Variants in LOXL2 observed in about 807,000 individuals in gnomAD.
LOXL2 encodes lysyl oxidase homolog 2.
LOXL2 carries 70 observed loss-of-function variants against 93.0 expected under a neutral mutation model. The observed-to-expected ratio is 0.75, with a 90% CI of 0.62 to 0.92. LOXL2 has a LOEUF of 0.92. Ranked by LOEUF, LOXL2 falls within the 40% of genes least tolerant of loss-of-function variation. The pLI, the probability that LOXL2 is intolerant of heterozygous loss-of-function variation, is 0.00. For synonymous variants in LOXL2, 438 were observed against 413.2 expected (o/e 1.06, Z -0.73); for missense variants, 973 against 1,054.9 (o/e 0.92, Z 1.08).
intron 1 of LOXL2, among the ~76,000 whole-genome samples, chr8:23,388,501 T>C (rs542626890): frequency 3.3e-4 from 50 of 152,144 alleles, no homozygotes; most frequent in Middle Eastern, 3.4e-3. Flanking sequence ...AGAGGATCAC[T>C]TGAGCCCAGG....
rs767310086 is a variant in LOXL2, at chr8:23,368,393, A to G, written c.-42T>C. On this transcript the variant is annotated 5_prime_UTR_variant, in exon 2 of 14. Coordinates refer to ENST00000389131, the MANE Select transcript of LOXL2 (RefSeq NM_002318.3). ...ATGATCCCACGAAGGGGCCCTGCGC[A>G]GCTGGGAGGGACAGGCGGGGTACAG... is the stretch of plus-strand genomic sequence containing the variant. 2.6e-6 allele frequency: 4 copies of G among 1,552,902 alleles called. No individual in the cohort carries two copies. The highest frequency in any genetic ancestry group is 2.7e-5 in the African/African-American group (2 of 74,008).
At chr8:23,356,665 T>G (rs1468094231) in intron 3 of LOXL2, among the ~76,000 whole-genome samples, 1 of 152,162 alleles carries the variant, frequency 6.6e-6, no homozygotes, top group Admixed American at 6.5e-5. Context: ...CCTAAGTCTC[T>G]GTGGTTGGGC....
chr8:23,311,752 G>C (rs537513742), intron 9 of LOXL2, among the ~76,000 whole-genome samples: 2 of 152,214 alleles, frequency 1.3e-5, no homozygotes, highest in African/African-American at 4.8e-5. Flanking sequence ...GCAAGGCAGA[G>C]GTGGAACTAC....
In LOXL2 at chr8:23,309,767, C is replaced by T. The variant is rs376481583; in HGVS notation, c.1781G>A (p.Arg594His). ...CTGGGAGGAGAAGCGCAGGAGCCGGCGGTAGCCCGTGGTGGGGTCGGTCTG... is the reference window on the plus strand; with the variant it reads ...CTGGGAGGAGAAGCGCAGGAGCCGGTGGTAGCCCGTGGTGGGGTCGGTCTG... ...AAQTDPTTGY[R>H]RLLRFSSQIH... Residue 594 changes from arginine (R) to histidine (H), a missense_variant, in exon 10 of 14, where the codon CGC becomes CAC. Transcript: ENST00000389131. 51 of 1,602,998 alleles carry T rather than the reference C, an allele frequency of 3.2e-5. No individual in the cohort carries two copies. The highest frequency in any genetic ancestry group is 4.1e-5 in the Non-Finnish European group (48 of 1,175,024).
At chr8:23,308,769 G>A (rs992422479) in intron 10 of LOXL2, among the ~76,000 whole-genome samples, 4 of 152,088 alleles carry the variant, frequency 2.6e-5, no homozygotes, top group Admixed American at 1.3e-4. Context: ...GATTTGCAGC[G>A]CTGGGATCAG....
chr8:23,317,142 G>A, intron 8 of LOXL2, 28 bp from the exon 9 acceptor site: 3 of 1,608,926 alleles, frequency 1.9e-6, no homozygotes, highest in Non-Finnish European at 2.6e-6. Flanking sequence ...ACAAATGGTG[G>A]GTACATCATC....
At chr8:23,375,885 C>A (rs1242801915) in intron 1 of LOXL2, among the ~76,000 whole-genome samples, 1 of 152,206 alleles carries the variant, frequency 6.6e-6, no homozygotes, top group East Asian at 1.9e-4. Context: ...CACCTGCAAA[C>A]AGGGATAATT....
chr8:23,381,488 T>A lies in LOXL2; in HGVS notation c.-83-13054A>T, dbSNP rs552409594. On this transcript the variant is annotated intron_variant, in intron 1 of 13. Coordinates refer to ENST00000389131, the MANE Select transcript of LOXL2 (RefSeq NM_002318.3). ...ACCTCAAAAACTCTGGCTATGACCA[T>A]GTTTTCAAACTTTCCTCCATCTGAT... Among the ~76,000 whole-genome samples the A allele has an allele frequency of 2.6e-5, 4 of 152,348 alleles. No homozygotes were observed. The East Asian group carries it at 7.7e-4, about 29-fold the overall frequency.
intron 1 of LOXL2, among the ~76,000 whole-genome samples, chr8:23,376,429 G>C (rs554894719): frequency 3.3e-5 from 5 of 152,098 alleles, no homozygotes; most frequent in Non-Finnish European, 7.4e-5. Flanking sequence ...GCCAGGCTTT[G>C]GTATCAGGAT....
chr8:23,304,681 T>C (rs139337596), intron 10 of LOXL2, among the ~76,000 whole-genome samples: 15 of 152,270 alleles, frequency 9.9e-5, no homozygotes, highest in African/African-American at 2.9e-4. Flanking sequence ...GGTAGCACAT[T>C]AGTCAGCACT....
Position 23,341,233 on chromosome 8 carries a change from G to A in LOXL2, c.532-30C>T, listed in dbSNP as rs1275421291. The A allele has an allele frequency of 3.8e-6, 6 of 1,566,850 alleles. 1 individual carries two copies. The East Asian group carries it at 1.1e-4, about 29-fold the overall frequency. The stretch of plus-strand genomic sequence containing the variant: ...GAAGAAAGAGGCGTGGAAGGAGAGG[G>A]TTACCCTACTGGCCTGGCTGCAGAG... On this transcript the variant is annotated intron_variant, in intron 3 of 13. Transcript: ENST00000389131.
chr8:23,350,690 G>A (rs1804077520), intron 3 of LOXL2, among the ~76,000 whole-genome samples: 1 of 152,190 alleles, frequency 6.6e-6, no homozygotes. Flanking sequence ...GAGGCCAGTG[G>A]AGGCCTGGAG....
chr8:23,302,758 GC>G (rs1368024126), intron 11 of LOXL2, among the ~76,000 whole-genome samples: 1 of 152,032 alleles, frequency 6.6e-6, no homozygotes, highest in Non-Finnish European at 1.5e-5. Flanking sequence ...CCCATGAAGA[GC>G]CCCCAGGGCT....
chr8:23,328,708 G>GTTGTGTGTGTGTGTGTGT, intron 5 of LOXL2, 143 bp from the exon 6 acceptor site: 1 of 422,716 alleles, frequency 2.4e-6, no homozygotes, highest in Non-Finnish European at 4.2e-6. Flanking sequence ...TTGATGTATG[G>GTTGTGTGTGTGTGTGTGT]ATGTGTGTGT....
rs961262288 is a variant in LOXL2, at chr8:23,356,418, A to G, written c.531+3672T>C. ...CAGGCCATTCCAGAAGGTATTTTGGAGAAACGTCTCAGCATCCCATAAATA... is the reference window on the plus strand; with the variant it reads ...CAGGCCATTCCAGAAGGTATTTTGGGGAAACGTCTCAGCATCCCATAAATA... On this transcript the variant is annotated intron_variant, in intron 3 of 13. Coordinates refer to ENST00000389131, the MANE Select transcript of LOXL2 (RefSeq NM_002318.3). Among the ~76,000 whole-genome samples, 5 of 152,270 alleles carry G rather than the reference A, an allele frequency of 3.3e-5. No homozygotes were observed. The East Asian group carries it at 9.6e-4, about 29-fold the overall frequency.
intron 3 of LOXL2, among the ~76,000 whole-genome samples, chr8:23,346,649 T>G (rs1803993304): frequency 6.6e-6 from 1 of 152,210 alleles, no homozygotes; most frequent in South Asian, 2.1e-4. Flanking sequence ...AAAGTCTAGC[T>G]GGAAGTTGCA....
intron 4 of LOXL2, chr8:23,336,095 GGGGC>G (rs1488708263): frequency 6.6e-6 from 1 of 152,288 alleles, no homozygotes. Flanking sequence ...CGCCCACACA[GGGGC>G]GGGAGAAGAT....
Position 23,309,697 on chromosome 8 carries a change from G to A in LOXL2, c.1851C>T (p.Arg617=). 6.5e-7 allele frequency: 1 copy of A among 1,542,994 alleles called. No individual in the cohort carries two copies. Among genetic ancestry groups the A allele is most frequent in the East Asian group, 2.5e-5 (1 of 40,702 alleles). The change falls in exon 10 of 14, where the codon CGC becomes CGT. Residue 617 remains arginine, a synonymous_variant. Coordinates refer to ENST00000389131, the MANE Select transcript of LOXL2 (RefSeq NM_002318.3). Reference sequence around the variant, plus strand: ...GACAGTCGTGCCAGATCCACGCGTGGCGGCCGTTCTTGGGCCGGAAGTCGG... The same window carrying A: ...GACAGTCGTGCCAGATCCACGCGTGACGGCCGTTCTTGGGCCGGAAGTCGG... ...GQSDFRPKNG[R]HAWIWHDCHR...
chr8:23,337,875 C>T (rs1052852291), intron 4 of LOXL2, among the ~76,000 whole-genome samples: 1 of 152,204 alleles, frequency 6.6e-6, no homozygotes, highest in Non-Finnish European at 1.5e-5. Context: ...CCTGACTCTA[C>T]TTTTGGCAAG....
Sources: allele counts gnomAD v4.1 joint callset (sites outside exome capture counted in the v4.1 genomes callset), GRCh38; gene constraint gnomAD v4.1.1; transcripts MANE v1.5; gene names NCBI Gene and HGNC (gene_info 2026-07-23, HGNC 2026-07-21).